ZNF536: variants seen among roughly 807,000 people sequenced by gnomAD.
ZNF536 encodes zinc finger protein 536.
In ZNF536, 13 loss-of-function variants were observed where a neutral mutation model predicts 84.5. The observed-to-expected ratio is 0.15, with a 90% CI of 0.10 to 0.24. The LOEUF (loss-of-function observed/expected upper bound fraction) is 0.24. ZNF536 is among the 10% of genes least tolerant of loss of function. The pLI is 1.00. For missense variants in ZNF536, 1,536 were observed against 1,747.5 expected (o/e 0.88, Z 2.16); for synonymous variants, 811 against 742.5 (o/e 1.09, Z -1.50).
chr19:30,276,296 C>T (rs1568296827), intron 1 of ZNF536, among the ~76,000 whole-genome samples: 1 of 152,150 alleles, frequency 6.6e-6, no homozygotes. Context: ...AGCATGAGCC[C>T]AGTGGAACGG....
At chr19:30,398,575 T>C (rs2049919708) in intron 1 of ZNF536, among the ~76,000 whole-genome samples, 1 of 152,132 alleles carries the variant, frequency 6.6e-6, no homozygotes, top group African/African-American at 2.4e-5. Context: ...GTGTGTGATG[T>C]TCCCCTCCCT....
At chr19:30,422,139 T>C (rs751716043) in intron 1 of ZNF536, among the ~76,000 whole-genome samples, 1 of 152,186 alleles carries the variant, frequency 6.6e-6, no homozygotes, top group Non-Finnish European at 1.5e-5. Context: ...CACAGATCTG[T>C]AAGGCCCTTT....
intron 2 of ZNF536, among the ~76,000 whole-genome samples, chr19:30,301,605 C>T (rs1463601361): frequency 6.6e-6 from 1 of 152,104 alleles, no homozygotes; most frequent in Non-Finnish European, 1.5e-5. Context: ...CTTTCTCAGC[C>T]CTAACTGGTG....
chr19:30,471,089 G>C (rs2053616040), intron 2 of ZNF536, among the ~76,000 whole-genome samples: 1 of 151,820 alleles, frequency 6.6e-6, no homozygotes, highest in Non-Finnish European at 1.5e-5. Flanking sequence ...CCAAAGTGCT[G>C]GGATTACAGG....
chr19:30,506,077 C>T (rs1294502679), intron 2 of ZNF536, among the ~76,000 whole-genome samples: 2 of 151,220 alleles, frequency 1.3e-5, no homozygotes, highest in Non-Finnish European at 2.9e-5. Flanking sequence ...TAATGAAATA[C>T]AAATATTCCT....
chr19:30,604,448 A>G (rs551995195), intron 1 of ZNF536, among the ~76,000 whole-genome samples: 84 of 152,324 alleles, frequency 5.5e-4, no homozygotes, highest in Non-Finnish European at 9.7e-4. Context: ...TTATGTTTAT[A>G]ATATGTTTTC....
In ZNF536 at chr19:30,445,808, C is replaced by T. The variant is rs2052303866; in HGVS notation, c.2170+76C>T. 6.7e-7 allele frequency: 1 copy of T among 1,496,188 alleles called. No homozygotes were observed. The highest frequency in any genetic ancestry group is 2.4e-5 in the Admixed American group (1 of 42,060). The allele number at this position is 1,496,188 out of a possible 1,614,324, so 92.7% of individuals were successfully genotyped here. A position where few individuals can be genotyped will look rare whatever the true frequency, so the allele number is the denominator to read the frequency against. On this transcript the variant is annotated intron_variant, in intron 2 of 4. Coordinates refer to ENST00000355537, the MANE Select transcript of ZNF536 (RefSeq NM_014717.3). This position sits in a 1 kb window ranked among gnomAD's most constrained non-coding sequence, Gnocchi z 4.5. ...AGGGCTGCCTGGTTCTGCTCCCAGG[C>T]CTCCAGTCAGTTCCAAGGCCAGTGG... is the stretch of plus-strand genomic sequence containing the variant.
chr19:30,696,915 C>A (rs1258759471), intron 1 of ZNF536, among the ~76,000 whole-genome samples: 2 of 152,326 alleles, frequency 1.3e-5, no homozygotes, highest in South Asian at 4.1e-4. Flanking sequence ...GCTCCAGCTG[C>A]AGGACCATGT....
intron 1 of ZNF536, among the ~76,000 whole-genome samples, chr19:30,685,629 G>A (rs562208163): frequency 6.0e-4 from 91 of 152,254 alleles, no homozygotes; most frequent in African/African-American, 2.0e-3. Context: ...AAAAATCATG[G>A]CTTCTCTGGA....
intron 2 of ZNF536, among the ~76,000 whole-genome samples, chr19:30,452,216 A>G (rs1444430993): frequency 6.6e-6 from 1 of 152,226 alleles, no homozygotes; most frequent in Admixed American, 6.5e-5. Context: ...GAGCCCTGCC[A>G]GGGGCCACTT....
intron 1 of ZNF536, among the ~76,000 whole-genome samples, chr19:30,406,431 C>A (rs1214894778): frequency 2.0e-5 from 3 of 152,144 alleles, no homozygotes; most frequent in Non-Finnish European, 2.9e-5. Flanking sequence ...ATCCACACCG[C>A]TTTACTCCAG....
intron 3 of ZNF536, among the ~76,000 whole-genome samples, chr19:30,540,954 C>T (rs1401593523): frequency 2.1e-4 from 32 of 152,222 alleles, no homozygotes. Flanking sequence ...TGGGTTTCCC[C>T]ACTAGCACAG....
chr19:30,530,217 A>G (rs75286195), intron 2 of ZNF536, among the ~76,000 whole-genome samples: 7,447 of 152,316 alleles, frequency 0.049, 503 homozygotes, highest in African/African-American at 0.16. Flanking sequence ...GGGAAGGAAT[A>G]CCACTGGTTA....
At chr19:30,569,630 G>T (rs982668393) in intron 1 of ZNF536, among the ~76,000 whole-genome samples, 1 of 140,244 alleles carries the variant, frequency 7.1e-6, no homozygotes, top group Non-Finnish European at 1.5e-5. Flanking sequence ...GAGTGCAGTG[G>T]CATGATCTCC....
At chr19:30,680,263 T>TTAC (rs2050914471) in intron 1 of ZNF536, among the ~76,000 whole-genome samples, 2 of 122,242 alleles carry the variant, frequency 1.6e-5, no homozygotes, top group Non-Finnish European at 3.5e-5. Flanking sequence ...TATTTTATTA[T>TTAC]TATTATACTT....
chr19:30,403,383 G>C (rs2050133493), intron 1 of ZNF536, among the ~76,000 whole-genome samples: 1 of 152,220 alleles, frequency 6.6e-6, no homozygotes. Context: ...AAGGAGGAAA[G>C]TGAGAGCCAA....
chr19:30,604,671 T>C (rs763560457), intron 1 of ZNF536, among the ~76,000 whole-genome samples: 4 of 152,176 alleles, frequency 2.6e-5, no homozygotes, highest in African/African-American at 9.7e-5. Flanking sequence ...TTTTTCTTGG[T>C]CAATAAAACT....
chr19:30,623,020 G>GTTT (rs66483120), intron 1 of ZNF536, among the ~76,000 whole-genome samples: 8 of 129,536 alleles, frequency 6.2e-5, no homozygotes, highest in African/African-American at 1.2e-4. Context: ...AAAATCTTGT[G>GTTT]TTTTTTTTTT....
chr19:30,500,769 G>A lies in ZNF536; in HGVS notation c.2171-34078G>A, dbSNP rs75221402. ...TGTGGGATGGACATGAGTCTTGCAA[G>A]CCAAGGCTTCTCTTGGTCTTTAAAT... On this transcript the variant is annotated intron_variant, in intron 2 of 4. Transcript: ENST00000355537. 1.4e-4 allele frequency among the ~76,000 whole-genome samples: 22 copies of A among 152,398 alleles called. No homozygotes were observed. In the East Asian group the frequency reaches 4.2e-3, roughly 29 times the overall value.
Sources: allele counts gnomAD v4.1 joint callset (sites outside exome capture counted in the v4.1 genomes callset), GRCh38; gene constraint gnomAD v4.1.1; non-coding constraint Gnocchi (gnomAD v3.1); transcripts MANE v1.5; gene names NCBI Gene and HGNC (gene_info 2026-07-23, HGNC 2026-07-21).